Variants in VRK3 observed in about 807,000 individuals in gnomAD.
VRK3 encodes the protein serine/threonine-protein kinase VRK3.
VRK3 carries 50 observed loss-of-function variants against 60.4 expected under a neutral mutation model. The observed-to-expected ratio is 0.83, with a 90% CI of 0.66 to 1.05. The LOEUF (loss-of-function observed/expected upper bound fraction) is 1.05. Among genes scored for constraint, VRK3 ranks in the 50% least tolerant of loss-of-function variants. The pLI is 0.00. For synonymous variants in VRK3, 246 were observed against 227.8 expected (o/e 1.08, Z -0.72); for missense variants, 549 against 585.3 (o/e 0.94, Z 0.64).
intron 12 of VRK3, among the ~76,000 whole-genome samples, chr19:49,985,653 C>G (rs1311162476): frequency 6.6e-6 from 1 of 152,210 alleles, no homozygotes; most frequent in Non-Finnish European, 1.5e-5. Flanking sequence ...ATGTGTTTCA[C>G]CCTTTAGCTC....
chr19:49,992,107 CA>C (rs1425911861), intron 10 of VRK3, among the ~76,000 whole-genome samples: 1 of 152,126 alleles, frequency 6.6e-6, no homozygotes, highest in East Asian at 1.9e-4. Flanking sequence ...ACTTGTGGAT[CA>C]AAAAACAGGT....
chr19:49,985,694 G>A (rs556159634), intron 12 of VRK3, among the ~76,000 whole-genome samples: 1 of 152,290 alleles, frequency 6.6e-6, no homozygotes, highest in Non-Finnish European at 1.5e-5. Flanking sequence ...TGAGCTCCCT[G>A]AGGGCAGGGA....
At chr19:50,009,617 C>T (rs2076961180) in intron 3 of VRK3, among the ~76,000 whole-genome samples, 1 of 152,062 alleles carries the variant, frequency 6.6e-6, no homozygotes, top group Non-Finnish European at 1.5e-5. Flanking sequence ...ACTCTGTGTC[C>T]TTTCCACATA....
At chr19:50,003,813 C>T (rs1289373365) in intron 5 of VRK3, among the ~76,000 whole-genome samples, 3 of 152,270 alleles carry the variant, frequency 2.0e-5, no homozygotes, top group African/African-American at 7.2e-5. Flanking sequence ...CAAATGCAAG[C>T]TCCGCATCAG....
intron 2 of VRK3, among the ~76,000 whole-genome samples, chr19:50,020,045 T>TA (rs1377885760): frequency 7.2e-6 from 1 of 138,472 alleles, no homozygotes; most frequent in Admixed American, 6.9e-5. Flanking sequence ...CCCAGCTAAT[T>TA]TTTTTTTTTT....
At chr19:50,018,098 G>T (rs1010687970) in intron 2 of VRK3, among the ~76,000 whole-genome samples, 4 of 152,206 alleles carry the variant, frequency 2.6e-5, no homozygotes, top group African/African-American at 9.7e-5. Flanking sequence ...TCTGCTACAT[G>T]CTGGGCAAGC....
rs757203373 is a variant in VRK3, at chr19:49,997,923, T to C, written c.613-353A>G. The C allele has an allele frequency of 2.8e-4, 50 of 177,272 alleles. 1 individual carries two copies. Among genetic ancestry groups the C allele is most frequent in the South Asian group, 4.3e-4 (3 of 6,970 alleles). 11.0% of individuals were successfully genotyped at this position (177,272 alleles called of 1,614,324 possible). A position where few individuals can be genotyped will look rare whatever the true frequency, so the allele number is the denominator to read the frequency against. The stretch of plus-strand genomic sequence containing the variant: ...GAAGAAATGTGGGCAACTTCCAGGT[T>C]ATGCCCTTAGTGGGCTGGGACAGGC... On this transcript the variant is annotated intron_variant, in intron 6 of 14. Transcript: ENST00000316763.
chr19:50,010,073 CATAT>C (rs1555851459), intron 3 of VRK3, among the ~76,000 whole-genome samples: 1 of 149,316 alleles, frequency 6.7e-6, no homozygotes, highest in East Asian at 1.9e-4. Flanking sequence ...CACACACACA[CATAT>C]ACACACATAC....
intron 12 of VRK3, chr19:49,981,648 T>C: frequency 1.0e-6 from 1 of 953,090 alleles, no homozygotes; most frequent in Non-Finnish European, 1.3e-6. Flanking sequence ...TGAACTCTTT[T>C]AATCTGTGAT....
chr19:49,993,539 C>A (rs1012228870), intron 9 of VRK3, among the ~76,000 whole-genome samples: 1 of 152,128 alleles, frequency 6.6e-6, no homozygotes, highest in Non-Finnish European at 1.5e-5. Flanking sequence ...GCTGGGACTA[C>A]AGGTGGGTGC....
intron 5 of VRK3, among the ~76,000 whole-genome samples, chr19:50,005,743 G>A (rs2076879896): frequency 1.3e-5 from 2 of 149,614 alleles, no homozygotes; most frequent in South Asian, 4.1e-4. Flanking sequence ...TTGAGCACAC[G>A]CCGCTGGGTG....
chr19:50,000,689 C>T, intron 6 of VRK3, 101 bp downstream of exon 6: 2 of 1,419,446 alleles, frequency 1.4e-6, no homozygotes, highest in South Asian at 1.2e-5. Flanking sequence ...ACCCTGGCCC[C>T]CGGCCGAGCT....
intron 12 of VRK3, 37 bp downstream of exon 12, chr19:49,988,335 G>C (rs760325834): frequency 1.9e-6 from 3 of 1,570,850 alleles, no homozygotes; most frequent in Non-Finnish European, 2.6e-6. Flanking sequence ...GGGTTCTGCT[G>C]ACCACCTGCA....
chr19:49,992,086 C>T (rs989401089), intron 10 of VRK3, among the ~76,000 whole-genome samples: 2 of 152,190 alleles, frequency 1.3e-5, no homozygotes, highest in Non-Finnish European at 2.9e-5. Flanking sequence ...GGACACCTTC[C>T]TAAGACAGGA....
intron 14 of VRK3, chr19:49,978,664 TG>T (rs2076371472): frequency 1.2e-5 from 2 of 162,552 alleles, no homozygotes; most frequent in East Asian, 1.9e-4. Flanking sequence ...CTTTTGTGTA[TG>T]GGGGCGCCAA....
intron 10 of VRK3, 149 bp from the exon 11 acceptor site, chr19:49,989,920 G>A (rs2076581557): frequency 2.0e-6 from 2 of 1,013,224 alleles, no homozygotes; most frequent in Non-Finnish European, 2.7e-6. Context: ...TAAAAATGAT[G>A]TGAAGTAAAA....
intron 3 of VRK3, among the ~76,000 whole-genome samples, chr19:50,012,898 T>C (rs901036363): frequency 6.7e-6 from 1 of 149,018 alleles, no homozygotes; most frequent in African/African-American, 2.5e-5. Context: ...CCGGGCGCAG[T>C]GGCTCACACC....
chr19:49,986,077 T>C (rs951382580), intron 12 of VRK3, among the ~76,000 whole-genome samples: 1 of 152,176 alleles, frequency 6.6e-6, no homozygotes, highest in African/African-American at 2.4e-5. Context: ...TAGAAGGAAG[T>C]CAAAATGACG....
chr19:50,003,842 C>T lies in VRK3; in HGVS notation c.548-2988G>A, dbSNP rs1033954619. On this transcript the variant is annotated intron_variant, in intron 5 of 14. Transcript: ENST00000316763. ...GCATCAGCAGGGCCTTCACCAGCCC[C>T]GCTCTCCCTGCACTGTCTGTGCTGG... 3.7e-4 allele frequency among the ~76,000 whole-genome samples: 56 copies of T among 152,262 alleles called. 1 individual carries two copies. The highest frequency in any genetic ancestry group is 2.1e-4 in the South Asian group (1 of 4,836).
Sources: gnomAD v4.1 joint callset for allele counts (sites outside exome capture counted in the v4.1 genomes callset) on GRCh38, gnomAD v4.1.1 for gene constraint, MANE v1.5 for transcripts, NCBI Gene and HGNC (gene_info 2026-07-23, HGNC 2026-07-21) for gene names.